The following DSCAM variants were observed in gnomAD, a reference collection of about 807,000 sequenced individuals.
DSCAM encodes the protein cell adhesion molecule DSCAM.
A neutral mutation model predicts 217.7 loss-of-function variants in DSCAM; 47 were observed. The ratio of observed to expected loss-of-function variants is 0.22; its 90% CI spans 0.17 to 0.28. The LOEUF is 0.28. Ranked by LOEUF, DSCAM falls within the 10% of genes least tolerant of loss-of-function variation. The pLI is 1.00. For synonymous variants in DSCAM, 1,056 were observed against 1,015.3 expected (o/e 1.04, Z -0.76); for missense variants, 2,080 against 2,618.3 (o/e 0.79, Z 4.49).
At chr21:40,247,299 G>A (rs902726772) in intron 11 of DSCAM, among the ~76,000 whole-genome samples, 2 of 152,108 alleles carry the variant, frequency 1.3e-5, no homozygotes, top group Non-Finnish European at 1.5e-5. Context: ...GTCCCCCAAA[G>A]TCTTAACTCA....
chr21:40,791,546 T>G (rs1026372279), intron 1 of DSCAM, among the ~76,000 whole-genome samples: 6 of 151,974 alleles, frequency 3.9e-5, no homozygotes, highest in Non-Finnish European at 7.4e-5. Flanking sequence ...TCCCAGCTAC[T>G]CGGGAGGCTG....
intron 16 of DSCAM, among the ~76,000 whole-genome samples, chr21:40,156,181 G>A (rs945091524): frequency 6.6e-6 from 1 of 152,006 alleles, no homozygotes; most frequent in South Asian, 2.1e-4. Flanking sequence ...ACAGGGATGA[G>A]GCTGAGAGCC....
intron 3 of DSCAM, among the ~76,000 whole-genome samples, chr21:40,636,176 T>A (rs2089755679): frequency 6.6e-6 from 1 of 152,138 alleles, no homozygotes; most frequent in Non-Finnish European, 1.5e-5. Context: ...GCACTCGCTA[T>A]CTCTGCTGCC....
Position 40,068,160 on chromosome 21 carries a change from AGAC to A in DSCAM, c.4889-5264_4889-5262del, listed in dbSNP as rs1159027951. ...AAATGTGGAAGGAAGGAATTTCAAA[AGAC>A]AACATTTGCTAACACTCTGAATGCT... On this transcript the variant is annotated intron_variant, in intron 27 of 32. Coordinates refer to ENST00000400454, the MANE Select transcript of DSCAM (RefSeq NM_001389.5). Among the ~76,000 whole-genome samples, 10 of 152,314 alleles carry A rather than the reference AGAC, an allele frequency of 6.6e-5. 1 individual carries two copies. Among genetic ancestry groups the A allele is most frequent in the Admixed American group, 6.5e-4 (10 of 15,304 alleles).
At chr21:40,342,650 T>TA (rs1569074522) in intron 6 of DSCAM, among the ~76,000 whole-genome samples, 99 of 45,428 alleles carry the variant, frequency 2.2e-3, no homozygotes, top group Non-Finnish European at 3.8e-3. Context: ...ATATATATAT[T>TA]TTTTTTTTTT....
At chr21:40,141,930 G>A (rs2090295495) in intron 18 of DSCAM, among the ~76,000 whole-genome samples, 1 of 143,232 alleles carries the variant, frequency 7.0e-6, no homozygotes, top group African/African-American at 2.8e-5. Context: ...TTTATTCAAA[G>A]CCTTGCCCTA....
chr21:40,431,306 T>A (rs999318763), intron 3 of DSCAM, among the ~76,000 whole-genome samples: 4 of 152,206 alleles, frequency 2.6e-5, no homozygotes. Flanking sequence ...CCCTTCCTCC[T>A]CCTCAGCCTA....
chr21:40,624,823 T>C (rs1325422030), intron 3 of DSCAM, among the ~76,000 whole-genome samples: 1 of 152,124 alleles, frequency 6.6e-6, no homozygotes, highest in African/African-American at 2.4e-5. Flanking sequence ...CACCTGCAAA[T>C]TGGGAAATAT....
intron 29 of DSCAM, 38 bp downstream of exon 29, chr21:40,055,687 C>T (rs2146505369): frequency 2.0e-6 from 3 of 1,511,574 alleles, no homozygotes; most frequent in African/African-American, 1.4e-5. Flanking sequence ...ATGGCTGTGG[C>T]AGCCACTTTG....
chr21:40,461,882 A>T (rs984466417), intron 3 of DSCAM, among the ~76,000 whole-genome samples: 1 of 152,198 alleles, frequency 6.6e-6, no homozygotes, highest in Non-Finnish European at 1.5e-5. Context: ...CTCAAGCAGA[A>T]CTGCTCTAGA....
chr21:40,550,029 G>A (rs1179387526), intron 3 of DSCAM, among the ~76,000 whole-genome samples: 2 of 152,092 alleles, frequency 1.3e-5, no homozygotes, highest in African/African-American at 2.4e-5. Flanking sequence ...AGTTCTTGAC[G>A]TTATTTACAA....
chr21:40,446,963 A>G (rs959698442), intron 3 of DSCAM, among the ~76,000 whole-genome samples: 3 of 152,110 alleles, frequency 2.0e-5, no homozygotes, highest in Non-Finnish European at 4.4e-5. Context: ...GAAGACCCCA[A>G]TGTCTCCTCT....
At chr21:40,673,514 T>C (rs1601839220) in intron 3 of DSCAM, among the ~76,000 whole-genome samples, 1 of 152,130 alleles carries the variant, frequency 6.6e-6, no homozygotes, top group East Asian at 1.9e-4. Context: ...TTGGAAGTAG[T>C]TTTTTCTAAA....
At chr21:40,738,380 G>A (rs781544387) in intron 1 of DSCAM, among the ~76,000 whole-genome samples, 15 of 152,232 alleles carry the variant, frequency 9.9e-5, no homozygotes, top group Admixed American at 2.6e-4. Context: ...AATTGTAATC[G>A]CATCTTCTTC....
At chr21:40,262,210 A>G (rs898373684) in intron 11 of DSCAM, among the ~76,000 whole-genome samples, 4 of 152,204 alleles carry the variant, frequency 2.6e-5, no homozygotes, top group African/African-American at 9.7e-5. Flanking sequence ...ACTGTGAGAA[A>G]TAAGTTTCTG....
chr21:40,026,978 T>C (rs1290325273), intron 32 of DSCAM, among the ~76,000 whole-genome samples: 3 of 152,310 alleles, frequency 2.0e-5, no homozygotes, highest in African/African-American at 7.2e-5. Context: ...GTCTTGATGG[T>C]CTCTACATTT....
chr21:40,442,852 T>C (rs183172214), intron 3 of DSCAM, among the ~76,000 whole-genome samples: 133 of 152,286 alleles, frequency 8.7e-4, no homozygotes, highest in African/African-American at 3.0e-3. Context: ...AACTGGAACA[T>C]GCCCCCTTAA....
intron 11 of DSCAM, among the ~76,000 whole-genome samples, chr21:40,218,015 T>C (rs2091258693): frequency 6.6e-6 from 1 of 152,244 alleles, no homozygotes; most frequent in South Asian, 2.1e-4. Flanking sequence ...TAGCTTCCAC[T>C]TGTCAAATTT....
intron 3 of DSCAM, among the ~76,000 whole-genome samples, chr21:40,519,835 A>G (rs1195029449): frequency 7.1e-6 from 1 of 141,038 alleles, no homozygotes; most frequent in African/African-American, 2.6e-5. Flanking sequence ...TGTCTCTCTC[A>G]CTCTCTCTCT....
Sources: allele counts gnomAD v4.1 joint callset (sites outside exome capture counted in the v4.1 genomes callset), GRCh38; gene constraint gnomAD v4.1.1; transcripts MANE v1.5; gene names NCBI Gene and HGNC (gene_info 2026-07-23, HGNC 2026-07-21).